The following LRRC7 variants were observed in gnomAD, a reference collection of about 807,000 sequenced individuals.
LRRC7 encodes leucine-rich repeat-containing protein 7.
LRRC7 carries 23 observed loss-of-function variants against 175.7 expected under a neutral mutation model. That is an observed-to-expected ratio of 0.13 (90% confidence interval 0.09 to 0.19). The LOEUF (loss-of-function observed/expected upper bound fraction) is 0.19. LRRC7 is among the 10% of genes least tolerant of loss of function. LRRC7 has a pLI of 1.00. For synonymous variants in LRRC7, 685 were observed against 680.9 expected, an observed-to-expected ratio of 1.01 and a Z score of -0.09; for missense variants, 1,354 against 1,904.7, an observed-to-expected ratio of 0.71 and a Z score of 5.38.
intron 2 of LRRC7, among the ~76,000 whole-genome samples, chr1:69,701,809 C>G (rs1017943945): frequency 6.6e-6 from 1 of 152,144 alleles, no homozygotes; most frequent in Non-Finnish European, 1.5e-5. Context: ...ATTTTAGAAA[C>G]AGTTGACTTA....
chr1:70,001,991 A>G (rs569234668), intron 11 of LRRC7, among the ~76,000 whole-genome samples: 54 of 152,192 alleles, frequency 3.5e-4, no homozygotes, highest in Non-Finnish European at 6.9e-4. Context: ...TAACTGAACT[A>G]TATGTGATGC....
chr1:69,678,487 G>T lies in LRRC7; in HGVS notation c.100+9G>T. The T allele has an allele frequency of 1.9e-6, 3 of 1,583,318 alleles. No homozygotes were observed. Among genetic ancestry groups the T allele is most frequent in the Non-Finnish European group, 2.6e-6 (3 of 1,160,772 alleles). ...GAGGCCTGAAGAGGAGTGTAAGTAT[G>T]TTTAATAGGATTACCTGTGTTCTAG... is the stretch of plus-strand genomic sequence containing the variant. On this transcript the variant is annotated intron_variant, in intron 2 of 26. Coordinates refer to ENST00000651989, the MANE Select transcript of LRRC7 (RefSeq NM_001370785.2).
intron 1 of LRRC7, among the ~76,000 whole-genome samples, chr1:69,630,284 T>C (rs1652280096): frequency 6.6e-6 from 1 of 152,176 alleles, no homozygotes; most frequent in African/African-American, 2.4e-5. Flanking sequence ...GTTGCCCACT[T>C]CCCTATTGGT....
intron 8 of LRRC7, among the ~76,000 whole-genome samples, chr1:69,971,687 C>G (rs896848823): frequency 1.3e-5 from 2 of 152,126 alleles, no homozygotes; most frequent in Non-Finnish European, 2.9e-5. Context: ...GTGAAAACGA[C>G]CATACTGCCA....
intron 9 of LRRC7, among the ~76,000 whole-genome samples, chr1:69,983,966 C>T (rs1178812587): frequency 6.6e-6 from 1 of 151,976 alleles, no homozygotes; most frequent in Non-Finnish European, 1.5e-5. Flanking sequence ...CGCTCTGTTG[C>T]CCAGGCTGGA....
intron 8 of LRRC7, among the ~76,000 whole-genome samples, chr1:69,977,348 A>G (rs1192400656): frequency 6.6e-6 from 1 of 152,218 alleles, no homozygotes; most frequent in East Asian, 1.9e-4. Flanking sequence ...TCACTTATGC[A>G]ACAAAGTCTA....
At chr1:70,107,707 G>C in intron 25 of LRRC7, 45 bp from the exon 26 acceptor site, 2 of 1,459,638 alleles carry the variant, frequency 1.4e-6, no homozygotes, top group Non-Finnish European at 1.9e-6. Flanking sequence ...AGTAGGCCTG[G>C]TTCTTGGTAA....
At chr1:69,642,539 T>G (rs1455958375) in intron 1 of LRRC7, among the ~76,000 whole-genome samples, 2 of 149,020 alleles carry the variant, frequency 1.3e-5, no homozygotes, top group Admixed American at 1.3e-4. Context: ...GAGTTTCTCT[T>G]TCTTTCTCGT....
At chr1:69,597,733 G>A (rs1010993444) in intron 1 of LRRC7, among the ~76,000 whole-genome samples, 4 of 152,282 alleles carry the variant, frequency 2.6e-5, no homozygotes, top group East Asian at 3.9e-4. Context: ...AGAGCTATCC[G>A]AGGGACATTC....
intron 22 of LRRC7, among the ~76,000 whole-genome samples, chr1:70,048,667 T>G (rs1272367947): frequency 6.6e-6 from 1 of 152,138 alleles, no homozygotes; most frequent in Non-Finnish European, 1.5e-5. Flanking sequence ...ATATATTAAC[T>G]AATCCAAAAC....
intron 25 of LRRC7, among the ~76,000 whole-genome samples, chr1:70,096,095 C>T (rs914008206): frequency 6.6e-6 from 1 of 151,638 alleles, no homozygotes. Context: ...CTCCTGCCTC[C>T]GCCTCCCGAG....
intron 4 of LRRC7, among the ~76,000 whole-genome samples, chr1:69,820,404 A>T (rs1173472447): frequency 3.3e-5 from 5 of 152,154 alleles, no homozygotes; most frequent in African/African-American, 9.7e-5. Context: ...GTTCTGGGGT[A>T]TATGTACAGA....
chr1:69,576,731 T>C (rs1310061665), intron 1 of LRRC7, among the ~76,000 whole-genome samples: 1 of 152,170 alleles, frequency 6.6e-6, no homozygotes, highest in East Asian at 1.9e-4. Flanking sequence ...TGTAAAATGG[T>C]TCTTATTCAT....
intron 4 of LRRC7, among the ~76,000 whole-genome samples, chr1:69,820,211 G>C (rs913113439): frequency 6.6e-6 from 1 of 151,484 alleles, no homozygotes; most frequent in Non-Finnish European, 1.5e-5. Flanking sequence ...TTGCTTTGTG[G>C]TTACCATGGG....
intron 2 of LRRC7, among the ~76,000 whole-genome samples, chr1:69,746,469 A>G (rs1329890388): frequency 6.6e-6 from 1 of 152,050 alleles, no homozygotes; most frequent in Admixed American, 6.6e-5. Context: ...CTAATTTTGT[A>G]ATCTTATTGA....
rs1488322014 is a variant in LRRC7, at chr1:70,135,199, T to A, written c.*13312T>A. 6.6e-6 allele frequency among the ~76,000 whole-genome samples: 1 copy of A among 152,174 alleles called. No individual in the cohort carries two copies. Among genetic ancestry groups the A allele is most frequent in the Non-Finnish European group, 1.5e-5 (1 of 68,026 alleles). On this transcript the variant is annotated 3_prime_UTR_variant, in exon 27 of 27. Coordinates refer to ENST00000651989, the MANE Select transcript of LRRC7 (RefSeq NM_001370785.2). ...TTTTTTCTTTGTCTTCTATGGATAA[T>A]CTTAATTTTTTATTCCTAGGAGCAA...
At chr1:69,589,455 A>G (rs979729643) in intron 1 of LRRC7, among the ~76,000 whole-genome samples, 5 of 152,170 alleles carry the variant, frequency 3.3e-5, no homozygotes, top group African/African-American at 1.2e-4. Context: ...TAGGGTATGA[A>G]GAATCCAATC....
chr1:70,054,941 A>G (rs1221343163), intron 23 of LRRC7, among the ~76,000 whole-genome samples: 1 of 152,104 alleles, frequency 6.6e-6, no homozygotes, highest in Non-Finnish European at 1.5e-5. Context: ...TGTGCTTTGT[A>G]ACCTACATAT....
intron 7 of LRRC7, among the ~76,000 whole-genome samples, chr1:69,906,282 T>A (rs1646308102): frequency 6.6e-6 from 1 of 152,228 alleles, no homozygotes; most frequent in Admixed American, 6.5e-5. Flanking sequence ...CATTTGTCAA[T>A]TTTGGCTTTT....
Sources: gnomAD v4.1 joint callset for allele counts (sites outside exome capture counted in the v4.1 genomes callset) on GRCh38, gnomAD v4.1.1 for gene constraint, MANE v1.5 for transcripts, NCBI Gene and HGNC (gene_info 2026-07-23, HGNC 2026-07-21) for gene names.